Variants in TGS1 observed in about 807,000 individuals in gnomAD.
TGS1 encodes trimethylguanosine synthase.
Under a neutral mutation model 92.2 loss-of-function variants are expected in TGS1, and 69 were observed. That is an observed-to-expected ratio of 0.75 (90% CI 0.62 to 0.91). The LOEUF (loss-of-function observed/expected upper bound fraction) is 0.91, where lower values mean the gene tolerates loss of function less well. TGS1 is among the 40% of genes least tolerant of loss of function. TGS1 has a pLI of 0.00. For synonymous variants in TGS1, 345 were observed against 338.1 expected (o/e 1.02, Z -0.22); for missense variants, 1,062 against 1,001.2 (o/e 1.06, Z -0.82).
intron 2 of TGS1, 117 bp downstream of exon 2, chr8:55,782,929 A>T (rs1365380930): frequency 4.5e-6 from 3 of 659,780 alleles, no homozygotes; most frequent in Non-Finnish European, 7.6e-6. Flanking sequence ...ATAAATGCCA[A>T]ATAATTCTGT....
chr8:55,812,472 G>C (rs1477958757), intron 11 of TGS1, among the ~76,000 whole-genome samples: 1 of 145,790 alleles, frequency 6.9e-6, no homozygotes, highest in African/African-American at 2.5e-5. Flanking sequence ...CTCCAGCCTG[G>C]GTGACAGAGC....
chr8:55,819,672 G>T (rs902703593), intron 12 of TGS1, among the ~76,000 whole-genome samples: 1 of 151,994 alleles, frequency 6.6e-6, no homozygotes, highest in Non-Finnish European at 1.5e-5. Context: ...ATTTACGGAA[G>T]CATAGAAATC....
intron 7 of TGS1, 151 bp from the exon 8 acceptor site, chr8:55,798,763 T>G (rs976838606): frequency 4.3e-5 from 27 of 621,652 alleles, no homozygotes; most frequent in Non-Finnish European, 7.4e-5. Flanking sequence ...AGGTCAGAAT[T>G]ACTTACTATT....
In TGS1 at chr8:55,804,880, T is replaced by G; in HGVS notation, c.2000-13T>G. The G allele has an allele frequency of 1.2e-6, 2 of 1,612,678 alleles. No individual in the cohort carries two copies. Among genetic ancestry groups the G allele is most frequent in the Non-Finnish European group, 1.7e-6 (2 of 1,179,018 alleles). ...AAATTGAACATGCTAACACAAATAC[T>G]CTTCCTTTGCAGAGGGCTGGTTTTC... is the stretch of plus-strand genomic sequence containing the variant. On this transcript the variant is annotated splice_polypyrimidine_tract_variant and intron_variant, in intron 9 of 12. Coordinates refer to ENST00000260129, the MANE Select transcript of TGS1 (RefSeq NM_024831.8).
chr8:55,795,866 G>T, intron 6 of TGS1, 112 bp from the exon 7 acceptor site: 1 of 779,414 alleles, frequency 1.3e-6, no homozygotes, highest in East Asian at 2.8e-5. Context: ...TTTTAAAAAG[G>T]GAATTAAAAT....
Position 55,802,621 on chromosome 8 carries a change from T to A in TGS1, c.1999+15T>A. 6.3e-7 allele frequency: 1 copy of A among 1,580,826 alleles called. No individual in the cohort carries two copies. The highest frequency in any genetic ancestry group is 1.2e-5 in the South Asian group (1 of 85,080). On this transcript the variant is annotated intron_variant, in intron 9 of 12. Transcript: ENST00000260129. ...GTTGGACAGAGGTAAAGTATATATG[T>A]ATTTTTTAGCTTTATTTTGAAACCA...
intron 1 of TGS1, among the ~76,000 whole-genome samples, chr8:55,776,982 G>T (rs1811419282): frequency 6.6e-6 from 1 of 151,646 alleles, no homozygotes; most frequent in Admixed American, 6.6e-5. Flanking sequence ...TGGTTCTTGG[G>T]TGTTTTTTTT....
intron 3 of TGS1, 124 bp downstream of exon 3, chr8:55,786,015 A>G (rs935663830): frequency 3.7e-6 from 3 of 804,590 alleles, no homozygotes; most frequent in Admixed American, 6.3e-5. Flanking sequence ...TTTTAAATGT[A>G]TGTATTTATA....
intron 9 of TGS1, among the ~76,000 whole-genome samples, chr8:55,804,663 A>G (rs560027319): frequency 7.9e-5 from 12 of 152,354 alleles, no homozygotes; most frequent in African/African-American, 2.6e-4. Context: ...CAGTATTACA[A>G]AAGAATTAGG....
In TGS1 at chr8:55,795,219, C is replaced by T. The variant is rs181366275; in HGVS notation, c.1368-759C>T. On this transcript the variant is annotated intron_variant, in intron 6 of 12. Coordinates refer to ENST00000260129, the MANE Select transcript of TGS1 (RefSeq NM_024831.8). ...TGTAGAAATCTATTTCTTTTCTTGC[C>T]TGAGACTTAACTACTTAACTACTCT... Among the ~76,000 whole-genome samples, 118 of 152,196 alleles carry T rather than the reference C, an allele frequency of 7.8e-4. 1 individual carries two copies. The Middle Eastern group carries it at 0.017, about 22-fold the overall frequency.
At chr8:55,780,850 G>T (rs2130109325) in intron 1 of TGS1, among the ~76,000 whole-genome samples, 1 of 152,084 alleles carries the variant, frequency 6.6e-6, no homozygotes, top group East Asian at 1.9e-4. Flanking sequence ...CATTAATTTG[G>T]TGCTGATATT....
chr8:55,795,401 C>A (rs1812009541), intron 6 of TGS1, among the ~76,000 whole-genome samples: 1 of 152,212 alleles, frequency 6.6e-6, no homozygotes, highest in Admixed American at 6.5e-5. Context: ...CTCTTAAGTC[C>A]CTAACAGTTT....
Position 55,807,674 on chromosome 8 carries a change from C to T in TGS1, c.2143+2638C>T, listed in dbSNP as rs568724448. Among the ~76,000 whole-genome samples, 17 of 152,072 alleles carry T rather than the reference C, an allele frequency of 1.1e-4. No individual in the cohort carries two copies. In the East Asian group the frequency reaches 2.5e-3, roughly 22 times the overall value. On this transcript the variant is annotated intron_variant, in intron 10 of 12. Coordinates refer to ENST00000260129, the MANE Select transcript of TGS1 (RefSeq NM_024831.8). ...TCCCAAGTAGCTGAGACTACAGGCA[C>T]GTGCCAGTATGCCCTGCTAATTTTT...
chr8:55,782,943 C>T, intron 2 of TGS1, 131 bp downstream of exon 2: 1 of 618,580 alleles, frequency 1.6e-6, no homozygotes, highest in Non-Finnish European at 2.8e-6. Flanking sequence ...ATTCTGTAAT[C>T]AGACAATTTT....
intron 12 of TGS1, among the ~76,000 whole-genome samples, chr8:55,817,258 A>G (rs1288531870): frequency 2.0e-5 from 3 of 152,204 alleles, no homozygotes; most frequent in African/African-American, 7.2e-5. Flanking sequence ...CCTCATTGTA[A>G]CAGTCACTTC....
intron 10 of TGS1, among the ~76,000 whole-genome samples, 198 bp downstream of exon 10, chr8:55,805,234 C>CTTGGACAATACAGGT (rs1338272215): frequency 1.3e-5 from 2 of 152,112 alleles, no homozygotes; most frequent in African/African-American, 2.4e-5. Flanking sequence ...ACAGTTGACC[C>CTTGGACAATACAGGT]TTGGACAATA....
chr8:55,775,794 A>G (rs1811378992), intron 1 of TGS1, among the ~76,000 whole-genome samples: 2 of 150,254 alleles, frequency 1.3e-5, no homozygotes, highest in South Asian at 2.1e-4. Flanking sequence ...GAACCCATGA[A>G]TGAAGGGTGG....
At position 55,798,780 on chromosome 8, in the gene TGS1, G is replaced by A. The variant is rs2130177265; in HGVS notation, c.1543-134G>A. On this transcript the variant is annotated intron_variant, in intron 7 of 12. Transcript: ENST00000260129. Reference sequence around the variant, plus strand: ...GTCAGAATTACTTACTATTAAGCTTGTGTGATGCAGTCTGCTTTTCAGAGC... The same window carrying A: ...GTCAGAATTACTTACTATTAAGCTTATGTGATGCAGTCTGCTTTTCAGAGC... 1.1e-5 allele frequency: 7 copies of A among 662,048 alleles called. No individual in the cohort carries two copies. In the South Asian group the frequency reaches 1.4e-4, roughly 13 times the overall value. 41.0% of individuals were successfully genotyped at this position (662,048 alleles called of 1,614,324 possible).
intron 9 of TGS1, among the ~76,000 whole-genome samples, chr8:55,802,900 T>C (rs529547802): frequency 6.6e-6 from 1 of 152,370 alleles, no homozygotes; most frequent in South Asian, 2.1e-4. Flanking sequence ...ATTGTTCCAA[T>C]ATTTTAATCT....
Sources: gnomAD v4.1 joint callset for allele counts (sites outside exome capture counted in the v4.1 genomes callset) on GRCh38, gnomAD v4.1.1 for gene constraint, MANE v1.5 for transcripts, NCBI Gene and HGNC (gene_info 2026-07-23, HGNC 2026-07-21) for gene names.